Variants in GRID1 observed in about 807,000 individuals in gnomAD.
GRID1 encodes glutamate receptor ionotropic, delta-1.
In GRID1, 28 loss-of-function variants were observed where a neutral mutation model predicts 98.0. The observed-to-expected ratio is 0.29, with a 90% CI of 0.21 to 0.39. The LOEUF is 0.39. Among genes scored for constraint, GRID1 ranks in the 10% least tolerant of loss-of-function variants. GRID1 has a pLI of 1.00. For synonymous variants in GRID1, 553 were observed against 538.5 expected (o/e 1.03, Z -0.37); for missense variants, 1,111 against 1,340.5 (o/e 0.83, Z 2.67).
At chr10:86,254,440 C>T (rs1460106023) in intron 2 of GRID1, among the ~76,000 whole-genome samples, 2 of 152,232 alleles carry the variant, frequency 1.3e-5, no homozygotes, top group Non-Finnish European at 2.9e-5. Flanking sequence ...CATAGCAAAT[C>T]AGAAACTTTT....
chr10:86,328,351 T>C (rs1004012488), intron 2 of GRID1, among the ~76,000 whole-genome samples: 1 of 152,236 alleles, frequency 6.6e-6, no homozygotes, highest in Non-Finnish European at 1.5e-5. Context: ...CAGTCTTTCA[T>C]AATGAGATGT....
In GRID1 at chr10:85,663,382, TC is replaced by T. The variant is rs540868541; in HGVS notation, c.1998-15986del. Reference sequence around the variant, plus strand: ...AGAACACCAAAATTGCCAGCCACTGTCAAACGCTGGGGGAGAGGTGAGAACA... The same window carrying T: ...AGAACACCAAAATTGCCAGCCACTGTAAACGCTGGGGGAGAGGTGAGAACA... On this transcript the variant is annotated intron_variant, in intron 12 of 15. Transcript: ENST00000327946. Among the ~76,000 whole-genome samples the T allele has an allele frequency of 7.2e-5, 11 of 152,306 alleles. No individual in the cohort carries two copies. In the South Asian group the frequency reaches 2.1e-3, roughly 29 times the overall value.
chr10:85,729,672 G>A, intron 8 of GRID1, 58 bp from the exon 9 acceptor site: 3 of 1,050,876 alleles, frequency 2.9e-6, no homozygotes, highest in Non-Finnish European at 4.4e-6. Flanking sequence ...CACACCATAG[G>A]ACCTCGGCTC....
intron 4 of GRID1, among the ~76,000 whole-genome samples, chr10:85,994,698 T>G (rs527299317): frequency 6.6e-6 from 1 of 152,334 alleles, no homozygotes; most frequent in African/African-American, 2.4e-5. Context: ...CCCCAGCTGG[T>G]CGCCTGGTAG....
chr10:86,123,613 C>T (rs951617437), intron 4 of GRID1, among the ~76,000 whole-genome samples: 21 of 152,336 alleles, frequency 1.4e-4, no homozygotes, highest in Admixed American at 8.5e-4. Flanking sequence ...GCCTGATTCT[C>T]ATTAGGTGAT....
intron 4 of GRID1, among the ~76,000 whole-genome samples, chr10:86,038,446 A>G (rs999806295): frequency 6.6e-6 from 1 of 152,230 alleles, no homozygotes; most frequent in African/African-American, 2.4e-5. Context: ...GCTGAATCAG[A>G]AGCAAGAGGT....
intron 2 of GRID1, among the ~76,000 whole-genome samples, chr10:86,249,051 C>T (rs1846779131): frequency 6.6e-6 from 1 of 152,144 alleles, no homozygotes; most frequent in African/African-American, 2.4e-5. Flanking sequence ...TGCCAGGGGG[C>T]CGAGATCAGC....
intron 4 of GRID1, among the ~76,000 whole-genome samples, chr10:85,984,476 C>T (rs1842585474): frequency 6.6e-6 from 1 of 152,270 alleles, no homozygotes; most frequent in Admixed American, 6.5e-5. Context: ...GGAGAGCCTT[C>T]TCCCACGGCT....
At chr10:85,955,312 T>TA (rs2131845865) in intron 4 of GRID1, among the ~76,000 whole-genome samples, 1 of 152,170 alleles carries the variant, frequency 6.6e-6, no homozygotes, top group South Asian at 2.1e-4. Flanking sequence ...TTAAACAACA[T>TA]ATGGAGACAC....
intron 5 of GRID1, among the ~76,000 whole-genome samples, chr10:85,871,076 C>T (rs758310391): frequency 3.9e-5 from 6 of 152,048 alleles, no homozygotes; most frequent in Non-Finnish European, 7.4e-5. Flanking sequence ...CACATACAGA[C>T]GCCCCTCAAC....
intron 12 of GRID1, among the ~76,000 whole-genome samples, chr10:85,662,209 C>T (rs1007112277): frequency 3.3e-5 from 5 of 152,234 alleles, no homozygotes; most frequent in Non-Finnish European, 7.3e-5. Context: ...CTCACTGCCT[C>T]ATCTGTGTTT....
At chr10:86,221,996 G>A (rs935595371) in intron 2 of GRID1, among the ~76,000 whole-genome samples, 2 of 152,116 alleles carry the variant, frequency 1.3e-5, no homozygotes, top group African/African-American at 4.8e-5. Context: ...ACAGAAACAG[G>A]GGACAGAGCC....
intron 6 of GRID1, among the ~76,000 whole-genome samples, chr10:85,861,551 G>C (rs1326936099): frequency 6.6e-6 from 1 of 152,198 alleles, no homozygotes; most frequent in Non-Finnish European, 1.5e-5. Flanking sequence ...GAGGGTGGAG[G>C]GGGAAGCTTT....
intron 12 of GRID1, among the ~76,000 whole-genome samples, chr10:85,688,896 T>A (rs1371605277): frequency 6.6e-6 from 1 of 152,018 alleles, no homozygotes; most frequent in East Asian, 1.9e-4. Context: ...CCACAGAGAA[T>A]GGGCTAAGCA....
intron 12 of GRID1, among the ~76,000 whole-genome samples, chr10:85,675,818 G>A (rs1404373835): frequency 6.6e-6 from 1 of 152,218 alleles, no homozygotes; most frequent in African/African-American, 2.4e-5. Flanking sequence ...AGAAGGACAG[G>A]TTTGCTTTTT....
At chr10:85,902,531 T>C (rs921450865) in intron 5 of GRID1, among the ~76,000 whole-genome samples, 8 of 152,212 alleles carry the variant, frequency 5.3e-5, no homozygotes, top group African/African-American at 1.4e-4. Context: ...ATACAAACTA[T>C]ATTACTGTTT....
chr10:85,752,664 C>T (rs1842058947), intron 8 of GRID1, among the ~76,000 whole-genome samples: 1 of 151,996 alleles, frequency 6.6e-6, no homozygotes. Context: ...AATTTTTAAC[C>T]AATTTCCTGT....
At chr10:86,247,151 T>G (rs1305605375) in intron 2 of GRID1, among the ~76,000 whole-genome samples, 1 of 151,686 alleles carries the variant, frequency 6.6e-6, no homozygotes, top group East Asian at 1.9e-4. Context: ...GATGGATGGA[T>G]GAGTGGATGA....
At chr10:85,915,985 T>G (rs889290342) in intron 5 of GRID1, among the ~76,000 whole-genome samples, 4 of 152,210 alleles carry the variant, frequency 2.6e-5, no homozygotes, top group Non-Finnish European at 5.9e-5. Context: ...AGGTCAGGAT[T>G]CTTTCTCTCG....
Sources: allele counts gnomAD v4.1 joint callset (sites outside exome capture counted in the v4.1 genomes callset), GRCh38; gene constraint gnomAD v4.1.1; transcripts MANE v1.5; gene names NCBI Gene and HGNC (gene_info 2026-07-23, HGNC 2026-07-21).